Variants in TMEM266 observed in about 807,000 individuals in gnomAD.
The protein encoded by TMEM266 is Hv1 related protein 1.
TMEM266 carries 33 observed loss-of-function variants against 50.5 expected under a neutral mutation model. The observed-to-expected ratio is 0.65, with a 90% confidence interval of 0.50 to 0.87. The LOEUF is 0.87. Among genes scored for constraint, TMEM266 ranks in the 40% least tolerant of loss-of-function variants. TMEM266 has a pLI of 0.00. For missense variants in TMEM266, 655 were observed against 695.1 expected (o/e 0.94, Z 0.65); for synonymous variants, 310 against 292.3 (o/e 1.06, Z -0.62).
chr15:76,141,281 G>A (rs1196701153), intron 3 of TMEM266, among the ~76,000 whole-genome samples: 1 of 150,664 alleles, frequency 6.6e-6, no homozygotes, highest in East Asian at 2.0e-4. Context: ...TGTCGCCCAG[G>A]CTGCAGTGTA....
At chr15:76,155,979 G>A (rs530978951) in intron 3 of TMEM266, among the ~76,000 whole-genome samples, 8 of 152,276 alleles carry the variant, frequency 5.3e-5, no homozygotes, top group African/African-American at 1.9e-4. Flanking sequence ...CACATAGGCC[G>A]ACTGTCCGCT....
chr15:76,142,758 T>C (rs892323575), intron 3 of TMEM266, among the ~76,000 whole-genome samples: 2 of 152,158 alleles, frequency 1.3e-5, no homozygotes, highest in African/African-American at 4.8e-5. Flanking sequence ...TAGAAGCCCT[T>C]TGTCCTCCAG....
chr15:76,089,349 C>G (rs113138763), intron 1 of TMEM266, among the ~76,000 whole-genome samples: 1 of 151,782 alleles, frequency 6.6e-6, no homozygotes, highest in Non-Finnish European at 1.5e-5. Flanking sequence ...CCCGCCACCA[C>G]GCCCGGCTAA....
At chr15:76,148,733 C>G (rs370234584) in intron 3 of TMEM266, among the ~76,000 whole-genome samples, 2 of 8,994 alleles carry the variant, frequency 2.2e-4, no homozygotes, top group Non-Finnish European at 3.9e-4. Context: ...CTTCACCCCC[C>G]ACCTGAGCTC....
At chr15:76,142,703 G>A (rs1238599499) in intron 3 of TMEM266, among the ~76,000 whole-genome samples, 1 of 152,220 alleles carries the variant, frequency 6.6e-6, no homozygotes, top group Non-Finnish European at 1.5e-5. Context: ...CAGTCGCCTT[G>A]ATGTGAAGTC....
intron 3 of TMEM266, among the ~76,000 whole-genome samples, chr15:76,148,733 C>A (rs370234584): frequency 0.21 from 1,864 of 9,012 alleles, 42 homozygotes; most frequent in African/African-American, 0.37. Flanking sequence ...CTTCACCCCC[C>A]ACCTGAGCTC....
At chr15:76,191,763 C>T in intron 8 of TMEM266, 1 of 519,168 alleles carries the variant, frequency 1.9e-6, no homozygotes. Context: ...CGCAGGATCG[C>T]ACAGGTTGGA....
At chr15:76,083,163 C>G (rs2036721126) in intron 1 of TMEM266, among the ~76,000 whole-genome samples, 1 of 151,830 alleles carries the variant, frequency 6.6e-6, no homozygotes, top group South Asian at 2.1e-4. Flanking sequence ...GACAAACATC[C>G]AAACTAGATC....
At chr15:76,093,042 G>A (rs1243077034) in intron 1 of TMEM266, among the ~76,000 whole-genome samples, 8 of 151,546 alleles carry the variant, frequency 5.3e-5, no homozygotes, top group Admixed American at 4.6e-4. Context: ...TCCTGACCTC[G>A]TGATCCACCC....
In TMEM266 at chr15:76,171,070, C is replaced by T; in HGVS notation, c.591C>T (p.Pro197=). The T allele has an allele frequency of 1.2e-6, 2 of 1,613,420 alleles. No individual in the cohort carries two copies. Among genetic ancestry groups the T allele is most frequent in the African/African-American group, 2.7e-5 (2 of 75,054 alleles). The change falls in exon 7 of 11, where the codon CCC becomes CCT. Residue 197 remains proline (P), a synonymous_variant. Coordinates refer to ENST00000388942, the MANE Select transcript of TMEM266 (RefSeq NM_152335.3). The stretch of plus-strand genomic sequence containing the variant: ...CTGTGGCCAATGGACCCAGGAGCCC[C>T]TGGGACGCCATCAGCCTCATCATCA...
chr15:76,063,387 C>G (rs1337832951), intron 1 of TMEM266, among the ~76,000 whole-genome samples: 1 of 152,164 alleles, frequency 6.6e-6, no homozygotes, highest in Non-Finnish European at 1.5e-5. Flanking sequence ...CACTTTCTGC[C>G]CCATAGTTCT....
intron 1 of TMEM266, among the ~76,000 whole-genome samples, chr15:76,116,106 C>T (rs765163216): frequency 5.9e-5 from 9 of 152,178 alleles, no homozygotes; most frequent in East Asian, 1.9e-4. Flanking sequence ...CTTAGCCTCA[C>T]GGTTACAGGC....
At chr15:76,181,349 G>C (rs2460145) in intron 8 of TMEM266, 149,051 of 152,314 alleles carry the variant, frequency 0.98, 73,014 homozygotes, top group South Asian at 1. Context: ...CACACCTCAT[G>C]CTTAACAGAT....
At chr15:76,190,252 A>T (rs925131217) in intron 8 of TMEM266, among the ~76,000 whole-genome samples, 2 of 152,174 alleles carry the variant, frequency 1.3e-5, no homozygotes, top group African/African-American at 2.4e-5. Flanking sequence ...CGGCCCTGAG[A>T]CCAGCGCATG....
rs201055855 is a variant in TMEM266, at chr15:76,171,146, G to A, written c.652+15G>A. On this transcript the variant is annotated intron_variant, in intron 7 of 10. Coordinates refer to ENST00000388942, the MANE Select transcript of TMEM266 (RefSeq NM_152335.3). ...GGTCATTGATGGTGAGTGGCCCGAG[G>A]GGGGTGTGGTCAGTGGGGCTGCTCC... 42 of 1,612,840 alleles carry A rather than the reference G, an allele frequency of 2.6e-5. No individual in the cohort carries two copies. The highest frequency in any genetic ancestry group is 3.5e-5 in the Non-Finnish European group (41 of 1,179,248).
intron 3 of TMEM266, among the ~76,000 whole-genome samples, chr15:76,155,820 A>T (rs1254488859): frequency 6.6e-6 from 1 of 152,198 alleles, no homozygotes; most frequent in Admixed American, 6.5e-5. Context: ...CTTCCTTTTT[A>T]TAGCTGAAAA....
chr15:76,116,701 G>A (rs1159669940), intron 1 of TMEM266, among the ~76,000 whole-genome samples: 2 of 152,096 alleles, frequency 1.3e-5, no homozygotes, highest in Non-Finnish European at 2.9e-5. Context: ...AACAGGAAAA[G>A]TCTCATTCCA....
intron 1 of TMEM266, among the ~76,000 whole-genome samples, chr15:76,129,703 T>C (rs1256907570): frequency 2.0e-5 from 3 of 151,966 alleles, no homozygotes; most frequent in Admixed American, 6.6e-5. Flanking sequence ...ATAATCACCA[T>C]AATCCAGACT....
In TMEM266 at chr15:76,097,836, C is replaced by G. The variant is rs533899455; in HGVS notation, c.-96-36332C>G. ...TTTTTTCTCTAATCTTGTCTTCTCT[C>G]TTTATTTCATTAAGTTGATCTTCAA... On this transcript the variant is annotated intron_variant, in intron 1 of 10. Coordinates refer to ENST00000388942, the MANE Select transcript of TMEM266 (RefSeq NM_152335.3). Among the ~76,000 whole-genome samples the G allele has an allele frequency of 5.9e-4, 89 of 152,054 alleles. 2 individuals carry two copies. The highest frequency in any genetic ancestry group is 1.0e-3 in the South Asian group (5 of 4,816).
Sources: gnomAD v4.1 joint callset for allele counts (sites outside exome capture counted in the v4.1 genomes callset) on GRCh38, gnomAD v4.1.1 for gene constraint, MANE v1.5 for transcripts, NCBI Gene and HGNC (gene_info 2026-07-23, HGNC 2026-07-21) for gene names.